Variants in ANXA8 observed in about 807,000 individuals in gnomAD.
ANXA8 encodes VAC-beta.
A neutral mutation model predicts 26.8 loss-of-function variants in ANXA8; 9 were observed. The observed-to-expected ratio is 0.34, with a 90% CI of 0.20 to 0.59. The LOEUF is 0.59. Ranked by LOEUF, ANXA8 falls within the 20% of genes least tolerant of loss-of-function variation. ANXA8 has a pLI of 0.84. For synonymous variants in ANXA8, 39 were observed against 94.8 expected (o/e 0.41, Z 3.42); for missense variants, 83 against 238.5 (o/e 0.35, Z 4.29).
the ANXA8 span, among the ~76,000 whole-genome samples, chr10:47,681,312 G>C: frequency 6.6e-6 from 1 of 151,584 alleles, no homozygotes; most frequent in Non-Finnish European, 1.5e-5. Flanking sequence ...GTTATTTGCT[G>C]AGTATGACTT....
the ANXA8 span, among the ~76,000 whole-genome samples, chr10:47,522,093 G>A: frequency 6.7e-5 from 10 of 149,428 alleles, no homozygotes; most frequent in African/African-American, 2.5e-4. Context: ...AGCCAAAACT[G>A]TAACTTTCTT....
At chr10:47,639,278 G>A in the ANXA8 span, among the ~76,000 whole-genome samples, 1 of 144,626 alleles carries the variant, frequency 6.9e-6, no homozygotes, top group Non-Finnish European at 1.5e-5. Flanking sequence ...GACCACAGGC[G>A]CCTGCTACCA....
At chr10:47,573,027 G>T in the ANXA8 span, among the ~76,000 whole-genome samples, 1 of 147,730 alleles carries the variant, frequency 6.8e-6, no homozygotes, top group Non-Finnish European at 1.5e-5. Context: ...TCTGTCGCCA[G>T]GCTGGTGCAC....
chr10:47,716,058 C>T, the ANXA8 span, among the ~76,000 whole-genome samples: 2 of 148,278 alleles, frequency 1.3e-5, no homozygotes, highest in African/African-American at 2.6e-5. Flanking sequence ...CAGTGCATGC[C>T]ACCACACCCA....
chr10:47,657,078 C>T, the ANXA8 span, among the ~76,000 whole-genome samples: 1 of 149,258 alleles, frequency 6.7e-6, no homozygotes, highest in African/African-American at 2.5e-5. Context: ...TATATTTTGA[C>T]TTCAAGGCAT....
the ANXA8 span, among the ~76,000 whole-genome samples, chr10:47,558,710 T>C: frequency 6.6e-6 from 1 of 151,862 alleles, no homozygotes; most frequent in Non-Finnish European, 1.5e-5. Flanking sequence ...GATACAAAAA[T>C]ATAATTTACT....
chr10:47,684,987 C>CA, the ANXA8 span, among the ~76,000 whole-genome samples: 1 of 150,364 alleles, frequency 6.7e-6, no homozygotes, highest in Non-Finnish European at 1.5e-5. Flanking sequence ...CCAGGGAAGC[C>CA]AAAAGATTAG....
chr10:47,633,826 T>C, the ANXA8 span, among the ~76,000 whole-genome samples: 1 of 150,120 alleles, frequency 6.7e-6, no homozygotes, highest in Non-Finnish European at 1.5e-5. Context: ...CCCCTAGTAT[T>C]TCAAAATACC....
chr10:47,533,239 T>C, the ANXA8 span, among the ~76,000 whole-genome samples: 1 of 91,246 alleles, frequency 1.1e-5, no homozygotes, highest in Non-Finnish European at 2.2e-5. Context: ...GCAGACACCC[T>C]AGTGGCCAAT....
At chr10:47,698,701 G>C in the ANXA8 span, among the ~76,000 whole-genome samples, 1 of 152,222 alleles carries the variant, frequency 6.6e-6, no homozygotes, top group Non-Finnish European at 1.5e-5. Context: ...AATTAGCCAG[G>C]TGTAGTGGTG....
chr10:47,483,792 G>T, intron 1 of ANXA8, 121 bp downstream of exon 1: 3 of 1,607,218 alleles, frequency 1.9e-6, no homozygotes, highest in Non-Finnish European at 2.5e-6. Flanking sequence ...TGGCCCAGGA[G>T]GCAGCCAAAT....
At chr10:47,489,131 C>T (rs1840101639), upstream of ANXA8, among the ~76,000 whole-genome samples, 4 of 150,368 alleles carry the variant, frequency 2.7e-5, no homozygotes, top group African/African-American at 9.8e-5. Flanking sequence ...CATTCTCCTG[C>T]CTCAGCCTCC....
At chr10:47,497,022 G>A in the ANXA8 span, among the ~76,000 whole-genome samples, 4 of 150,148 alleles carry the variant, frequency 2.7e-5, no homozygotes, top group African/African-American at 9.9e-5. Context: ...TTTCTCAAAC[G>A]TTAAAATTTT....
At chr10:47,510,170 C>T in the ANXA8 span, 30 of 1,285,538 alleles carry the variant, frequency 2.3e-5, 3 homozygotes, top group Middle Eastern at 1.1e-3. Context: ...GTTGTACTCA[C>T]GATATTATTG....
chr10:47,657,416 T>C, the ANXA8 span, among the ~76,000 whole-genome samples: 1 of 151,844 alleles, frequency 6.6e-6, no homozygotes, highest in Non-Finnish European at 1.5e-5. Flanking sequence ...GTAGAGAAAA[T>C]GACAGCTGTG....
the ANXA8 span, among the ~76,000 whole-genome samples, chr10:47,749,011 CTGTT>C: frequency 3.3e-5 from 3 of 89,950 alleles, no homozygotes; most frequent in Admixed American, 1.5e-4. Context: ...AGCAGGCAGA[CTGTT>C]TGAGCTCTGG....
the ANXA8 span, among the ~76,000 whole-genome samples, chr10:47,663,345 C>A: frequency 6.8e-6 from 1 of 146,630 alleles, no homozygotes; most frequent in African/African-American, 2.7e-5. Context: ...TATTTATACA[C>A]CCTTTGTAAA....
the ANXA8 span, among the ~76,000 whole-genome samples, chr10:47,688,547 G>A: frequency 1.3e-5 from 2 of 151,396 alleles, no homozygotes; most frequent in South Asian, 2.1e-4. Context: ...TCAGACTCCC[G>A]AGTAACTGAG....
At chr10:47,484,951 C>T (rs1265636340), upstream of ANXA8, among the ~76,000 whole-genome samples, 2,834 of 147,644 alleles carry the variant, frequency 0.019, 101 homozygotes, top group African/African-American at 0.068. Flanking sequence ...CATTTCACCA[C>T]GCTTCCCGGG....
Sources: gnomAD v4.1 joint callset for allele counts (sites outside exome capture counted in the v4.1 genomes callset) on GRCh38, gnomAD v4.1.1 for gene constraint, MANE v1.5 for transcripts, NCBI Gene and HGNC (gene_info 2026-07-23, HGNC 2026-07-21) for gene names.